DCAF16: variants seen among roughly 807,000 people sequenced by gnomAD.
The protein encoded by DCAF16 is DDB1 and CUL4 associated factor 16.
A neutral mutation model predicts 17.3 loss-of-function variants in DCAF16; 10 were observed. That is an observed-to-expected ratio of 0.58 (90% confidence interval 0.36 to 0.98). The LOEUF (loss-of-function observed/expected upper bound fraction) is 0.98, where lower values mean the gene tolerates loss of function less well. Ranked by LOEUF, DCAF16 falls within the 50% of genes least tolerant of loss-of-function variation. The probability of loss-of-function intolerance (pLI) is 0.01; values close to 1 mark genes in which losing one functional copy is unlikely to be tolerated. For missense variants in DCAF16, 249 were observed against 247.6 expected (o/e 1.01, Z -0.04); for synonymous variants, 111 against 92.8 (o/e 1.20, Z -1.12).
At chr4:17,795,412 A>C in the DCAF16 span, among the ~76,000 whole-genome samples, 1 of 152,242 alleles carries the variant, frequency 6.6e-6, no homozygotes, top group East Asian at 1.9e-4. Context: ...AGAAGACTAA[A>C]GTCTTATTAT....
At chr4:17,797,976 T>C (rs1719503293), downstream of DCAF16, among the ~76,000 whole-genome samples, 1 of 152,206 alleles carries the variant, frequency 6.6e-6, no homozygotes, top group Non-Finnish European at 1.5e-5. Flanking sequence ...GCTCCTTATT[T>C]TGCAACACTC....
intron 1 of DCAF16, among the ~76,000 whole-genome samples, chr4:17,807,989 G>A (rs1368767463): frequency 6.6e-6 from 1 of 152,164 alleles, no homozygotes; most frequent in Non-Finnish European, 1.5e-5. Flanking sequence ...AAGAGTCAGA[G>A]AATGGCAAAG....
chr4:17,809,756 A>G (rs1720698844), intron 1 of DCAF16: 1 of 152,198 alleles, frequency 6.6e-6, no homozygotes, highest in Admixed American at 6.5e-5. Flanking sequence ...GAGTCCCACC[A>G]TGGTCAGATG....
chr4:17,795,484 T>A, the DCAF16 span, among the ~76,000 whole-genome samples: 7 of 152,202 alleles, frequency 4.6e-5, no homozygotes, highest in Non-Finnish European at 1.0e-4. Flanking sequence ...TCTCTCATTT[T>A]GGAACTCATT....
chr4:17,798,241 G>A (rs1719518270), downstream of DCAF16, among the ~76,000 whole-genome samples: 1 of 150,260 alleles, frequency 6.7e-6, no homozygotes, highest in African/African-American at 2.4e-5. Flanking sequence ...TGTTGCTAAC[G>A]TTTTTAACTG....
At chr4:17,797,607 T>G (rs916246139), downstream of DCAF16, among the ~76,000 whole-genome samples, 1 of 152,202 alleles carries the variant, frequency 6.6e-6, no homozygotes, top group African/African-American at 2.4e-5. Context: ...ATGCCAGCTT[T>G]CAATTGATTC....
At chr4:17,807,642 G>T (rs13119311) in intron 1 of DCAF16, among the ~76,000 whole-genome samples, 65,963 of 152,172 alleles carry the variant, frequency 0.43, 16,855 homozygotes, top group Non-Finnish European at 0.57. Context: ...CATCTGTGAT[G>T]ACAGGAATTA....
At chr4:17,804,905 G>A (rs1339190511) in intron 2 of DCAF16, 134 bp from the exon 3 acceptor site, 2 of 156,186 alleles carry the variant, frequency 1.3e-5, no homozygotes, top group Non-Finnish European at 2.9e-5. Flanking sequence ...ACAGACTTAG[G>A]CCAATTTACC....
downstream of DCAF16, among the ~76,000 whole-genome samples, chr4:17,798,354 CA>C (rs1360700595): frequency 1.4e-5 from 2 of 145,302 alleles, no homozygotes; most frequent in Non-Finnish European, 3.0e-5. Flanking sequence ...AGTGTAACAC[CA>C]GCACTTTGGG....
chr4:17,807,382 T>C (rs907495330), intron 1 of DCAF16, among the ~76,000 whole-genome samples: 2 of 152,226 alleles, frequency 1.3e-5, no homozygotes, highest in African/African-American at 2.4e-5. Context: ...GCATGAACAA[T>C]ATGATCACAT....
rs964676880 is a variant in DCAF16 at position 17,802,404 on chromosome 4, G to A, written c.*1087C>T. 6.6e-6 allele frequency: 1 copy of A among 152,256 alleles called. No individual in the cohort carries two copies. Among genetic ancestry groups the A allele is most frequent in the Admixed American group, 6.6e-5 (1 of 15,262 alleles). The allele number at this position is 152,256 out of a possible 1,614,324, so 9.4% of individuals were successfully genotyped here. ...TTTAGTCAGAGACAGCCTGGTGGGA[G>A]ACTCCGATATAGAACGTTCATGCTG... On this transcript the variant is annotated 3_prime_UTR_variant, in exon 3 of 3. Transcript: ENST00000382247.
chr4:17,808,759 T>C (rs1183201385), intron 1 of DCAF16, among the ~76,000 whole-genome samples: 1 of 152,214 alleles, frequency 6.6e-6, no homozygotes, highest in Non-Finnish European at 1.5e-5. Context: ...CCGGGCGCGG[T>C]GGCTCACGCC....
rs1441823712 is a variant in DCAF16, at chr4:17,803,211, G to C, written c.*280C>G. The C allele has an allele frequency of 1.1e-5, 4 of 376,228 alleles. No individual in the cohort carries two copies. Among genetic ancestry groups the C allele is most frequent in the African/African-American group, 6.2e-5 (3 of 48,594 alleles). The allele number at this position is 376,228 out of a possible 1,614,324, so 23.3% of individuals were successfully genotyped here. A position where few individuals can be genotyped will look rare whatever the true frequency, so the allele number is the denominator to read the frequency against. On this transcript the variant is annotated 3_prime_UTR_variant, in exon 3 of 3. Coordinates refer to ENST00000382247, the MANE Select transcript of DCAF16 (RefSeq NM_017741.4). ...GGCTAATTTTTTTATTTTTAGTAGA[G>C]ACAGGGTTTCACTGTGTTGGCAAGG...
chr4:17,800,641 A>G (rs1242359330), downstream of DCAF16: 1 of 152,668 alleles, frequency 6.6e-6, no homozygotes, highest in Non-Finnish European at 1.5e-5. Flanking sequence ...TTGAGGACAA[A>G]TGACCATACT....
At chr4:17,798,347 G>GT (rs776258532), downstream of DCAF16, among the ~76,000 whole-genome samples, 6 of 128,452 alleles carry the variant, frequency 4.7e-5, no homozygotes, top group Non-Finnish European at 6.3e-5. Flanking sequence ...AGGTACCAGT[G>GT]TAACACCAGC....
intron 1 of DCAF16, among the ~76,000 whole-genome samples, chr4:17,806,349 T>A (rs1407744126): frequency 6.6e-6 from 1 of 152,246 alleles, no homozygotes; most frequent in Non-Finnish European, 1.5e-5. Flanking sequence ...TTAAGTTACG[T>A]GATCAAAGCC....
At chr4:17,799,257 A>G (rs990006998), downstream of DCAF16, among the ~76,000 whole-genome samples, 4 of 152,152 alleles carry the variant, frequency 2.6e-5, no homozygotes, top group Admixed American at 1.3e-4. Flanking sequence ...CAATTCTTTT[A>G]TATGATTCTC....
downstream of DCAF16, among the ~76,000 whole-genome samples, chr4:17,796,354 G>T (rs7678441): frequency 0.26 from 38,967 of 151,664 alleles, 6,650 homozygotes; most frequent in African/African-American, 0.47. Context: ...AGTATTTTTT[G>T]TTTTTAAAGA....
At position 17,802,651 on chromosome 4, in the gene DCAF16, A is replaced by T. The variant is rs1207527616; in HGVS notation, c.*840T>A. The T allele has an allele frequency of 6.6e-6, 1 of 151,238 alleles. No individual in the cohort carries two copies. Among genetic ancestry groups the T allele is most frequent in the Non-Finnish European group, 1.5e-5 (1 of 67,890 alleles). The allele number at this position is 151,238 out of a possible 1,614,324, so 9.4% of individuals were successfully genotyped here. A position where few individuals can be genotyped will look rare whatever the true frequency, so the allele number is the denominator to read the frequency against. On this transcript the variant is annotated 3_prime_UTR_variant, in exon 3 of 3. Transcript: ENST00000382247. ...TAATTCAACTACCTCAAAAAAAAAAAAAAAGAAAAAATAAAAGGAACCCTA... is the reference window on the plus strand; with the variant it reads ...TAATTCAACTACCTCAAAAAAAAAATAAAAGAAAAAATAAAAGGAACCCTA...
Sources: gnomAD v4.1 joint callset for allele counts (sites outside exome capture counted in the v4.1 genomes callset) on GRCh38, gnomAD v4.1.1 for gene constraint, MANE v1.5 for transcripts, NCBI Gene and HGNC (gene_info 2026-07-23, HGNC 2026-07-21) for gene names.